Variants in PTPRN2 observed in about 807,000 individuals in gnomAD.
The protein encoded by PTPRN2 is receptor-type tyrosine-protein phosphatase N2.
In PTPRN2, 74 loss-of-function variants were observed where a neutral mutation model predicts 118.8. The ratio of observed to expected loss-of-function variants is 0.62; its 90% CI spans 0.52 to 0.76. The LOEUF is 0.76. PTPRN2 is among the 30% of genes least tolerant of loss of function. The probability of loss-of-function intolerance (pLI) is 0.00; values close to 1 mark genes in which losing one functional copy is unlikely to be tolerated. For missense variants in PTPRN2, 1,481 were observed against 1,394.4 expected (o/e 1.06, Z -0.99); for synonymous variants, 641 against 608.0 (o/e 1.05, Z -0.80).
intron 3 of PTPRN2, among the ~76,000 whole-genome samples, chr7:158,267,479 G>T (rs758355964): frequency 1.3e-5 from 2 of 152,170 alleles, no homozygotes; most frequent in African/African-American, 4.8e-5. Flanking sequence ...AGGAATTCCA[G>T]GTGTCAAAGC....
intron 11 of PTPRN2, among the ~76,000 whole-genome samples, chr7:157,996,990 C>T (rs1199803539): frequency 6.6e-6 from 1 of 152,218 alleles, no homozygotes; most frequent in Admixed American, 6.5e-5. Context: ...TGTCACCAAG[C>T]TCTAAGTCCT....
intron 2 of PTPRN2, among the ~76,000 whole-genome samples, chr7:158,441,089 A>G (rs1480318628): frequency 7.7e-5 from 10 of 129,448 alleles, no homozygotes; most frequent in African/African-American, 2.7e-4. Context: ...TGCTGGTGGT[A>G]GTGATAGGGG....
chr7:157,886,973 C>T lies in PTPRN2; in HGVS notation c.1788+11700G>A, dbSNP rs139583095. On this transcript the variant is annotated intron_variant, in intron 12 of 22. Coordinates refer to ENST00000389418, the MANE Select transcript of PTPRN2 (RefSeq NM_002847.5). ...CCTCGTCAGCTGAGCCCACCCATGA[C>T]GGGCCTGTCCTGGGGCCTTCGAGGT... Among the ~76,000 whole-genome samples, 287 of 150,886 alleles carry T rather than the reference C, an allele frequency of 1.9e-3. 2 individuals carry two copies. The highest frequency in any genetic ancestry group is 6.6e-3 in the African/African-American group (271 of 41,052).
intron 3 of PTPRN2, among the ~76,000 whole-genome samples, chr7:158,281,589 G>C (rs1410093832): frequency 2.0e-5 from 3 of 152,224 alleles, no homozygotes; most frequent in Non-Finnish European, 4.4e-5. Flanking sequence ...TGTGTGGTGT[G>C]CGTGGTGCCC....
chr7:158,521,815 GAGGTCCACGTCACAATGGT>G (rs1824109773), intron 1 of PTPRN2, among the ~76,000 whole-genome samples: 2 of 68,826 alleles, frequency 2.9e-5, no homozygotes, highest in African/African-American at 5.6e-5. Flanking sequence ...GCTCGGGAGG[GAGGTCCACGTCACAATGGT>G]GGACTGTCCG....
At position 157,723,615 on chromosome 7, in the gene PTPRN2, A is replaced by G. The variant is rs544464172; in HGVS notation, c.1789-40678T>C. Reference sequence around the variant, plus strand: ...CACCTGTCCATCCTTGTCCCCGGAGACGCTGTCATCCCACCCAAGTGACCT... The same window carrying G: ...CACCTGTCCATCCTTGTCCCCGGAGGCGCTGTCATCCCACCCAAGTGACCT... On this transcript the variant is annotated intron_variant, in intron 12 of 22. Transcript: ENST00000389418. Among the ~76,000 whole-genome samples the G allele has an allele frequency of 3.9e-5, 6 of 152,258 alleles. No individual in the cohort carries two copies. The East Asian group carries it at 1.2e-3, about 29-fold the overall frequency.
At chr7:157,875,010 CACA>C (rs1795656667) in intron 12 of PTPRN2, among the ~76,000 whole-genome samples, 1 of 95,428 alleles carries the variant, frequency 1.0e-5, no homozygotes, top group African/African-American at 3.8e-5. Flanking sequence ...CGTGCATGCA[CACA>C]GACACACAGA....
At chr7:157,724,106 A>C (rs1352186852) in intron 12 of PTPRN2, among the ~76,000 whole-genome samples, 5 of 152,012 alleles carry the variant, frequency 3.3e-5, no homozygotes, top group African/African-American at 9.7e-5. Flanking sequence ...GGTGGAATTT[A>C]GGCTTCCCCC....
At chr7:157,727,829 T>C (rs1335607701) in intron 12 of PTPRN2, among the ~76,000 whole-genome samples, 1 of 152,184 alleles carries the variant, frequency 6.6e-6, no homozygotes, top group Non-Finnish European at 1.5e-5. Context: ...CTGCTGGCCC[T>C]GCCTGAAGCT....
chr7:157,666,705 T>A (rs898148028), intron 13 of PTPRN2, among the ~76,000 whole-genome samples: 2 of 152,216 alleles, frequency 1.3e-5, no homozygotes, highest in African/African-American at 4.8e-5. Flanking sequence ...GAAATGGGGA[T>A]GAAGGCAGAG....
intron 2 of PTPRN2, among the ~76,000 whole-genome samples, chr7:158,340,939 ACT>A (rs1806632143): frequency 1.2e-5 from 1 of 83,628 alleles, no homozygotes; most frequent in African/African-American, 4.2e-5. Flanking sequence ...TCACACTCAC[ACT>A]CTCACCATAA....
chr7:158,558,730 C>T lies in PTPRN2; in HGVS notation c.112+28828G>A, dbSNP rs529701503. On this transcript the variant is annotated intron_variant, in intron 1 of 22. Transcript: ENST00000389418. ...TCACGCCAAGCCAGGCAGGTCCTTG[C>T]ACCTTCTGGATACATCAGTGCTAGA... 3.2e-4 allele frequency among the ~76,000 whole-genome samples: 46 copies of T among 145,696 alleles called. 1 individual carries two copies. Among genetic ancestry groups the T allele is most frequent in the African/African-American group, 1.2e-3 (45 of 38,752 alleles).
intron 11 of PTPRN2, among the ~76,000 whole-genome samples, chr7:158,072,682 A>T (rs767286199): frequency 1.2e-4 from 18 of 152,140 alleles, no homozygotes; most frequent in Non-Finnish European, 2.2e-4. Flanking sequence ...GGGCTCACCA[A>T]GGTGACTCTG....
chr7:158,054,035 C>CAGAGATCCTAGAGATGG (rs1563366632), intron 11 of PTPRN2, among the ~76,000 whole-genome samples: 7 of 151,382 alleles, frequency 4.6e-5, no homozygotes, highest in African/African-American at 1.2e-4. Flanking sequence ...TCCAGAGATG[C>CAGAGATCCTAGAGATGG]AGAGACCCCA....
intron 4 of PTPRN2, among the ~76,000 whole-genome samples, chr7:158,204,000 G>A (rs1826891082): frequency 6.6e-6 from 1 of 150,702 alleles, no homozygotes; most frequent in African/African-American, 2.4e-5. Context: ...GCCATGTTCT[G>A]GGGAAAGACG....
At chr7:158,334,443 C>T (rs1297761333) in intron 2 of PTPRN2, among the ~76,000 whole-genome samples, 1 of 55,124 alleles carries the variant, frequency 1.8e-5, no homozygotes, top group Non-Finnish European at 4.3e-5. Flanking sequence ...CCCACACTCT[C>T]ACCATAAGAG....
At chr7:158,366,054 C>T (rs1299813660) in intron 2 of PTPRN2, among the ~76,000 whole-genome samples, 10 of 143,926 alleles carry the variant, frequency 6.9e-5, no homozygotes, top group Non-Finnish European at 1.1e-4. Flanking sequence ...CTAGAAGCTG[C>T]AGCCCAATGC....
Position 157,585,864 on chromosome 7 carries a change from A to G in PTPRN2, c.2497-7724T>C, listed in dbSNP as rs2150545216. Among the ~76,000 whole-genome samples the G allele has an allele frequency of 6.6e-6, 1 of 152,308 alleles. No homozygotes were observed. The highest frequency in any genetic ancestry group is 6.5e-5 in the Admixed American group (1 of 15,310). On this transcript the variant is annotated intron_variant, in intron 17 of 22. Transcript: ENST00000389418. This position sits in a 1 kb window ranked among gnomAD's most constrained non-coding sequence, Gnocchi z 5.2. ...GCAGTAAGAATCAGTCAGAAAGGAA[A>G]GCCGGACCTGTCCTTTCTACTTGAG...
intron 12 of PTPRN2, among the ~76,000 whole-genome samples, chr7:157,689,763 T>C (rs1249719033): frequency 1.3e-5 from 2 of 152,170 alleles, no homozygotes; most frequent in Non-Finnish European, 2.9e-5. Flanking sequence ...AGCGCAGTTC[T>C]CTTTGGGGGA....
Sources: allele counts gnomAD v4.1 joint callset (sites outside exome capture counted in the v4.1 genomes callset), GRCh38; gene constraint gnomAD v4.1.1; non-coding constraint Gnocchi (gnomAD v3.1); transcripts MANE v1.5; gene names NCBI Gene and HGNC (gene_info 2026-07-23, HGNC 2026-07-21).